Variants in FAF1 observed in about 807,000 individuals in gnomAD.
The protein encoded by FAF1 is Fas associated factor 1.
Under a neutral mutation model 92.5 loss-of-function variants are expected in FAF1, and 25 were observed. That is an observed-to-expected ratio of 0.27 (90% CI 0.20 to 0.38). FAF1 has a LOEUF of 0.38. FAF1 is among the 10% of genes least tolerant of loss of function. FAF1 has a pLI of 1.00. For synonymous variants in FAF1, 234 were observed against 273.2 expected (o/e 0.86, Z 1.42); for missense variants, 636 against 793.3 (o/e 0.80, Z 2.38).
At position 50,612,321 on chromosome 1, in the gene FAF1, G is replaced by T. The variant is rs757824019; in HGVS notation, c.745-16105C>A. ...CGAAATCTTCAGTTACAATGAAAAG[G>T]TTATTTTACCTCAAGCAGATTCCTC... On this transcript the variant is annotated intron_variant, in intron 8 of 18. Transcript: ENST00000396153. 5 of 1,214,908 alleles carry T rather than the reference G, an allele frequency of 4.1e-6. No individual in the cohort carries two copies. The East Asian group carries it at 2.4e-4, about 58-fold the overall frequency. The allele number at this position is 1,214,908 out of a possible 1,614,324, so 75.3% of individuals were successfully genotyped here. A position where few individuals can be genotyped will look rare whatever the true frequency, so the allele number is the denominator to read the frequency against.
chr1:50,806,628 G>A (rs184701141), intron 2 of FAF1, among the ~76,000 whole-genome samples: 36 of 152,308 alleles, frequency 2.4e-4, no homozygotes, highest in African/African-American at 7.9e-4. Context: ...ACCCATGGAG[G>A]TGTCATGGCC....
In FAF1 at chr1:50,659,986, G is replaced by A. The variant is rs576083386; in HGVS notation, c.658-4458C>T. Among the ~76,000 whole-genome samples the A allele has an allele frequency of 2.6e-5, 4 of 152,252 alleles. No individual in the cohort carries two copies. In the South Asian group the frequency reaches 8.3e-4, roughly 32 times the overall value. ...TACTATAATTAATGTGAAAAACTAA[G>A]TAATAATCTCTACTTCAAACTTCAT... On this transcript the variant is annotated intron_variant, in intron 7 of 18. Coordinates refer to ENST00000396153, the MANE Select transcript of FAF1 (RefSeq NM_007051.3).
chr1:50,922,258 G>A (rs948159555), intron 1 of FAF1, among the ~76,000 whole-genome samples: 3 of 151,052 alleles, frequency 2.0e-5, no homozygotes, highest in South Asian at 4.2e-4. Flanking sequence ...CAAGGAGTTC[G>A]AGACCAGCAT....
At chr1:50,694,312 T>C (rs1657090300) in intron 7 of FAF1, among the ~76,000 whole-genome samples, 1 of 152,048 alleles carries the variant, frequency 6.6e-6, no homozygotes, top group African/African-American at 2.4e-5. Flanking sequence ...GGCATGTAAA[T>C]ATAATGTGCC....
chr1:50,933,202 C>A (rs1164880196), intron 1 of FAF1, among the ~76,000 whole-genome samples: 1 of 152,104 alleles, frequency 6.6e-6, no homozygotes, highest in Non-Finnish European at 1.5e-5. Flanking sequence ...AATTTCTCCT[C>A]AAAAAATGGG....
chr1:50,733,873 T>A, intron 6 of FAF1, among the ~76,000 whole-genome samples: 1 of 152,230 alleles, frequency 6.6e-6, no homozygotes. Flanking sequence ...CTCAACTCAC[T>A]GCAACTTCCA....
intron 7 of FAF1, among the ~76,000 whole-genome samples, chr1:50,657,357 T>C (rs1029215156): frequency 6.6e-6 from 1 of 152,074 alleles, no homozygotes; most frequent in African/African-American, 2.4e-5. Context: ...TATCCTACTG[T>C]ATCAAATGAA....
At chr1:50,831,701 C>T (rs908261055) in intron 2 of FAF1, among the ~76,000 whole-genome samples, 4 of 150,042 alleles carry the variant, frequency 2.7e-5, no homozygotes, top group African/African-American at 9.8e-5. Flanking sequence ...GTGAGCCTTA[C>T]TTGGAAACAG....
intron 1 of FAF1, among the ~76,000 whole-genome samples, chr1:50,899,311 A>T (rs1644778862): frequency 6.6e-6 from 1 of 151,878 alleles, no homozygotes; most frequent in South Asian, 2.1e-4. Flanking sequence ...ACTTTTAATG[A>T]CCTTCTATCA....
At chr1:50,644,711 T>C (rs1654502568) in intron 8 of FAF1, among the ~76,000 whole-genome samples, 1 of 152,254 alleles carries the variant, frequency 6.6e-6, no homozygotes, top group Non-Finnish European at 1.5e-5. Context: ...TGTTGGCTAA[T>C]ATCTGAAAAC....
chr1:50,880,517 G>A (rs1027516405), intron 1 of FAF1, among the ~76,000 whole-genome samples: 3 of 152,172 alleles, frequency 2.0e-5, no homozygotes, highest in Non-Finnish European at 2.9e-5. Context: ...CTTATAGATA[G>A]AAATACTAGA....
chr1:50,566,330 A>AT (rs1334955078), intron 13 of FAF1, among the ~76,000 whole-genome samples: 1 of 152,098 alleles, frequency 6.6e-6, no homozygotes, highest in Admixed American at 6.6e-5. Context: ...AAATGAATTA[A>AT]TTTAATCTCC....
intron 3 of FAF1, among the ~76,000 whole-genome samples, chr1:50,795,941 G>T (rs1211079762): frequency 6.6e-6 from 1 of 152,008 alleles, no homozygotes; most frequent in Admixed American, 6.6e-5. Context: ...GAGATTTTCT[G>T]GGGCATGTCT....
chr1:50,681,594 G>GC (rs1248837536), intron 7 of FAF1, among the ~76,000 whole-genome samples: 8 of 151,138 alleles, frequency 5.3e-5, no homozygotes, highest in African/African-American at 1.7e-4. Context: ...TGAAACCTCT[G>GC]CCCCCCGAGT....
At chr1:50,611,917 G>GA (rs1314088068) in intron 8 of FAF1, among the ~76,000 whole-genome samples, 1 of 152,140 alleles carries the variant, frequency 6.6e-6, no homozygotes, top group East Asian at 1.9e-4. Flanking sequence ...CTTTGAAACA[G>GA]AAAGTGTTAA....
chr1:50,686,931 C>A (rs1447883359), intron 7 of FAF1, among the ~76,000 whole-genome samples: 1 of 152,036 alleles, frequency 6.6e-6, no homozygotes, highest in East Asian at 1.9e-4. Flanking sequence ...CGGGTTCAAG[C>A]GATTCTCATG....
At chr1:50,617,769 T>C (rs538975458) in intron 8 of FAF1, among the ~76,000 whole-genome samples, 139 of 151,524 alleles carry the variant, frequency 9.2e-4, no homozygotes, top group African/African-American at 3.3e-3. Context: ...AGAATTCAGC[T>C]GTGACTCCAT....
At chr1:50,564,543 T>G (rs960418124) in intron 13 of FAF1, among the ~76,000 whole-genome samples, 5 of 152,068 alleles carry the variant, frequency 3.3e-5, no homozygotes, top group Admixed American at 6.6e-5. Context: ...GATCAATAAA[T>G]ATTAGTGCAA....
intron 12 of FAF1, among the ~76,000 whole-genome samples, chr1:50,581,228 G>T (rs1650975249): frequency 6.6e-6 from 1 of 152,096 alleles, no homozygotes; most frequent in Admixed American, 6.5e-5. Context: ...TATTCTTAGG[G>T]TAAAGAAGTT....
Sources: allele counts gnomAD v4.1 joint callset (sites outside exome capture counted in the v4.1 genomes callset), GRCh38; gene constraint gnomAD v4.1.1; transcripts MANE v1.5; gene names NCBI Gene and HGNC (gene_info 2026-07-23, HGNC 2026-07-21).